Variants in LUZP2 observed in about 807,000 individuals in gnomAD.
LUZP2 encodes the protein leucine zipper protein 2.
A neutral mutation model predicts 51.6 loss-of-function variants in LUZP2; 52 were observed. That is an observed-to-expected ratio of 1.01 (90% CI 0.81 to 1.27). The LOEUF is 1.27. LUZP2 is among the 50% of genes most tolerant of loss of function. The pLI is 0.00. For missense variants in LUZP2, 436 were observed against 395.4 expected (o/e 1.10, Z -0.87); for synonymous variants, 154 against 137.3 (o/e 1.12, Z -0.85).
At chr11:24,804,725 CA>C (rs1231746603) in intron 5 of LUZP2, among the ~76,000 whole-genome samples, 2 of 152,160 alleles carry the variant, frequency 1.3e-5, no homozygotes, top group African/African-American at 4.8e-5. Flanking sequence ...TTGCCTGCTT[CA>C]GGGGAGAAGG....
At chr11:24,687,408 G>A (rs1392407065) in intron 1 of LUZP2, among the ~76,000 whole-genome samples, 1 of 152,130 alleles carries the variant, frequency 6.6e-6, no homozygotes, top group Non-Finnish European at 1.5e-5. Flanking sequence ...CTATGTGCTT[G>A]ATCCTGTTTT....
chr11:25,075,309 T>A (rs1241632924), intron 10 of LUZP2, among the ~76,000 whole-genome samples: 51 of 152,218 alleles, frequency 3.4e-4, no homozygotes, highest in Admixed American at 3.3e-3. Context: ...TGACAATCTC[T>A]CTTTTTCTGT....
At chr11:24,540,524 AC>A (rs1028292538) in intron 1 of LUZP2, among the ~76,000 whole-genome samples, 1 of 152,126 alleles carries the variant, frequency 6.6e-6, no homozygotes, top group African/African-American at 2.4e-5. Context: ...CTCACCTGGA[AC>A]CAAATCAGCC....
chr11:24,716,321 G>A (rs1425082208), intron 1 of LUZP2, among the ~76,000 whole-genome samples: 1 of 152,062 alleles, frequency 6.6e-6, no homozygotes. Context: ...CAAAGAAGGC[G>A]TTCAACATAC....
At chr11:24,601,855 T>A (rs1467746601) in intron 1 of LUZP2, among the ~76,000 whole-genome samples, 1 of 142,078 alleles carries the variant, frequency 7.0e-6, no homozygotes, top group Non-Finnish European at 1.5e-5. Flanking sequence ...CAGGTATATA[T>A]ATATATATGT....
At chr11:24,622,902 T>C (rs924243766) in intron 1 of LUZP2, among the ~76,000 whole-genome samples, 2 of 152,210 alleles carry the variant, frequency 1.3e-5, no homozygotes, top group African/African-American at 4.8e-5. Context: ...TCTTTTTTAC[T>C]TTCTAAATAT....
intron 9 of LUZP2, among the ~76,000 whole-genome samples, chr11:25,034,944 C>T (rs1857805559): frequency 6.6e-6 from 1 of 152,042 alleles, no homozygotes. Context: ...ACCATATGAT[C>T]ATCTCAATAG....
intron 9 of LUZP2, among the ~76,000 whole-genome samples, chr11:25,044,758 A>G (rs1174885336): frequency 6.6e-6 from 1 of 151,798 alleles, no homozygotes; most frequent in East Asian, 2.0e-4. Context: ...ACACATGCGC[A>G]CGTATGTTTA....
At chr11:24,667,184 CT>C (rs199740839) in intron 1 of LUZP2, among the ~76,000 whole-genome samples, 135 of 132,032 alleles carry the variant, frequency 1.0e-3, no homozygotes, top group Middle Eastern at 3.9e-3. Context: ...TTCTTTTTTT[CT>C]TTTTTTTTTT....
chr11:24,750,503 G>A (rs1859538243), intron 4 of LUZP2, among the ~76,000 whole-genome samples: 1 of 152,114 alleles, frequency 6.6e-6, no homozygotes, highest in Non-Finnish European at 1.5e-5. Context: ...AACAAATTAA[G>A]AATATAGAAT....
chr11:24,881,315 C>CAAAAAAAAAAAAAAAAAA (rs3078893), intron 5 of LUZP2, among the ~76,000 whole-genome samples: 1 of 127,778 alleles, frequency 7.8e-6, no homozygotes, highest in African/African-American at 2.7e-5. Context: ...GAGTAATTGC[C>CAAAAAAAAAAAAAAAAAA]AAAAAAAAAA....
At chr11:24,557,461 C>T (rs1221596552) in intron 1 of LUZP2, among the ~76,000 whole-genome samples, 1 of 152,040 alleles carries the variant, frequency 6.6e-6, no homozygotes, top group Non-Finnish European at 1.5e-5. Context: ...ACTGAATAGA[C>T]ATATCTTATG....
At chr11:24,601,460 A>G (rs1853633659) in intron 1 of LUZP2, among the ~76,000 whole-genome samples, 2 of 151,942 alleles carry the variant, frequency 1.3e-5, no homozygotes, top group South Asian at 4.1e-4. Flanking sequence ...AATAAAGATG[A>G]TAGTTCTGAT....
intron 1 of LUZP2, among the ~76,000 whole-genome samples, chr11:24,695,039 C>A (rs1857202216): frequency 6.6e-6 from 1 of 151,942 alleles, no homozygotes; most frequent in East Asian, 1.9e-4. Flanking sequence ...TACATGTATA[C>A]CTATGTAACA....
chr11:24,815,369 A>T (rs2134145222), intron 5 of LUZP2, among the ~76,000 whole-genome samples: 1 of 152,352 alleles, frequency 6.6e-6, no homozygotes, highest in South Asian at 2.1e-4. Flanking sequence ...GAAATTACGA[A>T]GTATATCTCA....
chr11:25,025,449 G>GA (rs1456756284), intron 9 of LUZP2, among the ~76,000 whole-genome samples: 10 of 152,016 alleles, frequency 6.6e-5, no homozygotes, highest in African/African-American at 1.7e-4. Context: ...AAATTTACAA[G>GA]AAAAAATCAA....
chr11:24,632,575 G>T (rs779643399), intron 1 of LUZP2, among the ~76,000 whole-genome samples: 1 of 151,918 alleles, frequency 6.6e-6, no homozygotes, highest in African/African-American at 2.4e-5. Context: ...TTTTTCTTAT[G>T]TAAATGTCCA....
intron 1 of LUZP2, among the ~76,000 whole-genome samples, chr11:24,724,428 T>C (rs1331609173): frequency 2.0e-5 from 3 of 151,874 alleles, no homozygotes; most frequent in Admixed American, 6.6e-5. Context: ...AAAAATTAGC[T>C]GGGGGTAGTG....
chr11:24,919,807 A>G (rs1398989922), intron 7 of LUZP2, among the ~76,000 whole-genome samples: 5 of 151,072 alleles, frequency 3.3e-5, no homozygotes, highest in African/African-American at 1.2e-4. Flanking sequence ...ATTGCTACCT[A>G]GTACAGGTGA....
Sources: gnomAD v4.1 joint callset for allele counts (sites outside exome capture counted in the v4.1 genomes callset) on GRCh38, gnomAD v4.1.1 for gene constraint, MANE v1.5 for transcripts, NCBI Gene and HGNC (gene_info 2026-07-23, HGNC 2026-07-21) for gene names.